Variants in PHACTR3 observed in about 807,000 individuals in gnomAD.
PHACTR3 encodes protein phosphatase 1, regulatory subunit 123.
Under a neutral mutation model 66.8 loss-of-function variants are expected in PHACTR3, and 16 were observed. The observed-to-expected ratio is 0.24, with a 90% CI of 0.16 to 0.36. The LOEUF (loss-of-function observed/expected upper bound fraction) is 0.36. Among genes scored for constraint, PHACTR3 ranks in the 10% least tolerant of loss-of-function variants. The probability of loss-of-function intolerance (pLI) is 1.00; values close to 1 mark genes in which losing one functional copy is unlikely to be tolerated. For synonymous variants in PHACTR3, 323 were observed against 292.1 expected, an observed-to-expected ratio of 1.11 and a Z score of -1.08; for missense variants, 647 against 719.9, an observed-to-expected ratio of 0.90 and a Z score of 1.16.
chr20:59,721,485 G>A (rs1177095569), intron 1 of PHACTR3: 1 of 152,570 alleles, frequency 6.6e-6, no homozygotes, highest in Non-Finnish European at 1.5e-5. Context: ...GCAGCACAAA[G>A]CAACTTTGTC....
chr20:59,664,657 A>G lies in PHACTR3; in HGVS notation c.118+59525A>G, dbSNP rs115703869. ...GCAGAAATCACATAACCAAGCTTCA[A>G]TACATTTTCCACAGCCTTGGCAAAG... On this transcript the variant is annotated intron_variant, in intron 1 of 12. Coordinates refer to ENST00000371015, the MANE Select transcript of PHACTR3 (RefSeq NM_080672.5). Among the ~76,000 whole-genome samples the G allele has an allele frequency of 5.9e-3, 900 of 152,288 alleles. 9 individuals are homozygous for G. The highest frequency in any genetic ancestry group is 0.02 in the African/African-American group (848 of 41,556).
chr20:59,841,557 TG>T, intron 11 of PHACTR3, 22 bp downstream of exon 11: 2 of 1,605,430 alleles, frequency 1.2e-6, no homozygotes, highest in South Asian at 1.1e-5. Context: ...CCTGTGCTGG[TG>T]GGGGGTGTTG....
At chr20:59,759,727 C>T (rs1368701643) in intron 4 of PHACTR3, among the ~76,000 whole-genome samples, 2 of 152,190 alleles carry the variant, frequency 1.3e-5, no homozygotes, top group Non-Finnish European at 2.9e-5. Context: ...GTTCTCTTCC[C>T]ACATTCTGCA....
intron 1 of PHACTR3, among the ~76,000 whole-genome samples, chr20:59,649,713 G>T (rs1178719395): frequency 1.3e-5 from 2 of 152,122 alleles, no homozygotes; most frequent in Non-Finnish European, 2.9e-5. Flanking sequence ...ATTTTCTGTA[G>T]TTTAAAAGTA....
intron 7 of PHACTR3, among the ~76,000 whole-genome samples, chr20:59,779,389 C>G (rs1053110571): frequency 2.0e-5 from 3 of 152,144 alleles, no homozygotes; most frequent in Admixed American, 6.5e-5. Flanking sequence ...TAGGAAAGGC[C>G]TGTAAGAGTA....
rs115309000 is a variant in PHACTR3 at position 59,591,411 on chromosome 20, C to T, written c.109+13794C>T. 3.8e-3 allele frequency among the ~76,000 whole-genome samples: 578 copies of T among 152,304 alleles called. 6 individuals carry two copies. The highest frequency in any genetic ancestry group is 0.013 in the African/African-American group (544 of 41,570). On this transcript the variant is annotated intron_variant, in intron 1 of 12. Transcript: ENST00000359926. ...CTCCCAGCTCTGGCCTTGGCCTCCACATCTTCCTGAGTGACACCATGCGGG... is the reference window on the plus strand; with the variant it reads ...CTCCCAGCTCTGGCCTTGGCCTCCATATCTTCCTGAGTGACACCATGCGGG...
At chr20:59,836,798 C>A (rs1372788680) in intron 9 of PHACTR3, among the ~76,000 whole-genome samples, 1 of 152,126 alleles carries the variant, frequency 6.6e-6, no homozygotes, top group Non-Finnish European at 1.5e-5. Flanking sequence ...TTTTTATTTT[C>A]AGGGTTAGTC....
intron 1 of PHACTR3, among the ~76,000 whole-genome samples, chr20:59,716,154 G>T (rs2038082900): frequency 6.6e-6 from 1 of 151,484 alleles, no homozygotes; most frequent in South Asian, 2.1e-4. Context: ...CATTGCTTCG[G>T]GACCTTCAGC....
At position 59,750,343 on chromosome 20, in the gene PHACTR3, A is replaced by G. The variant is rs143365698; in HGVS notation, c.358+2508A>G. On this transcript the variant is annotated intron_variant, in intron 3 of 12. Coordinates refer to ENST00000371015, the MANE Select transcript of PHACTR3 (RefSeq NM_080672.5). ...TTTAATAACCCTCCACCGCTCAGGCAGCAGTTAAATTAGATGCGCTGGGCG... is the reference window on the plus strand; with the variant it reads ...TTTAATAACCCTCCACCGCTCAGGCGGCAGTTAAATTAGATGCGCTGGGCG... 1.6e-3 allele frequency among the ~76,000 whole-genome samples: 243 copies of G among 152,256 alleles called. 1 individual carries two copies. The highest frequency in any genetic ancestry group is 5.7e-3 in the African/African-American group (235 of 41,550).
intron 1 of PHACTR3, among the ~76,000 whole-genome samples, chr20:59,723,632 T>C (rs1296045089): frequency 6.6e-6 from 1 of 151,994 alleles, no homozygotes; most frequent in Non-Finnish European, 1.5e-5. Context: ...AGTCAGATGG[T>C]TATATGGTGA....
intron 7 of PHACTR3, among the ~76,000 whole-genome samples, chr20:59,785,734 G>A (rs2146938890): frequency 6.6e-6 from 1 of 152,340 alleles, no homozygotes; most frequent in Middle Eastern, 3.4e-3. Context: ...CACAGAGGAA[G>A]GCCGTGGTCA....
chr20:59,591,096 C>T (rs1269847307), intron 1 of PHACTR3, among the ~76,000 whole-genome samples: 1 of 152,210 alleles, frequency 6.6e-6, no homozygotes, highest in African/African-American at 2.4e-5. Flanking sequence ...GGCAGTGCCA[C>T]GTACATCATC....
At chr20:59,822,622 G>C (rs2042082034) in intron 8 of PHACTR3, among the ~76,000 whole-genome samples, 1 of 152,108 alleles carries the variant, frequency 6.6e-6, no homozygotes, top group Non-Finnish European at 1.5e-5. Flanking sequence ...GAAATGGTGT[G>C]GTCTGCAGAT....
At chr20:59,687,062 TG>T (rs1412881452) in intron 1 of PHACTR3, among the ~76,000 whole-genome samples, 2 of 151,748 alleles carry the variant, frequency 1.3e-5, no homozygotes, top group East Asian at 3.9e-4. Context: ...ATTGTGATGA[TG>T]GTGGTGATGA....
In PHACTR3 at chr20:59,736,516, G is replaced by A. The variant is rs538994312; in HGVS notation, c.119-6591G>A. Among the ~76,000 whole-genome samples the A allele has an allele frequency of 3.8e-4, 52 of 138,060 alleles. No homozygotes were observed. Among genetic ancestry groups the A allele is most frequent in the African/African-American group, 1.3e-3 (48 of 36,920 alleles). The allele number at this position is 138,060 out of a possible 152,430, so 90.6% of individuals were successfully genotyped here. ...ACCCACGCCCATGCACACTGGCTCC[G>A]CAGGTGCTCACCCGCCCACCCGTGT... On this transcript the variant is annotated intron_variant, in intron 1 of 12. Transcript: ENST00000371015. The surrounding 1 kb of genome is among the most constrained non-coding windows in gnomAD (Gnocchi z 4.6).
chr20:59,736,226 C>T lies in PHACTR3; in HGVS notation c.119-6881C>T, dbSNP rs1370748836. ...ACAGACATTTCCCATTAATTAACCT[C>T]TAATGCCTCAGAGGTGGCAGAGGTG... is the stretch of plus-strand genomic sequence containing the variant. On this transcript the variant is annotated intron_variant, in intron 1 of 12. Transcript: ENST00000371015. The surrounding 1 kb of genome is among the most constrained non-coding windows in gnomAD (Gnocchi z 4.6). 6.6e-6 allele frequency among the ~76,000 whole-genome samples: 1 copy of T among 152,148 alleles called. No homozygotes were observed. The highest frequency in any genetic ancestry group is 1.5e-5 in the Non-Finnish European group (1 of 68,018).
chr20:59,673,271 T>C (rs2036257560), intron 1 of PHACTR3, among the ~76,000 whole-genome samples: 1 of 152,206 alleles, frequency 6.6e-6, no homozygotes, highest in Non-Finnish European at 1.5e-5. Context: ...TGCTCATCTG[T>C]AGAATGGGAA....
intron 8 of PHACTR3, among the ~76,000 whole-genome samples, chr20:59,832,656 G>A (rs1265600264): frequency 3.9e-5 from 6 of 152,114 alleles, no homozygotes; most frequent in Non-Finnish European, 7.4e-5. Flanking sequence ...CTTCAGTGCC[G>A]CTCTGGGGTT....
At chr20:59,821,141 C>T (rs770989485) in intron 8 of PHACTR3, among the ~76,000 whole-genome samples, 24 of 152,126 alleles carry the variant, frequency 1.6e-4, no homozygotes, top group Non-Finnish European at 3.4e-4. Context: ...ATGTTCTTAG[C>T]AGCTAAGGAA....
Sources: gnomAD v4.1 joint callset for allele counts (sites outside exome capture counted in the v4.1 genomes callset) on GRCh38, gnomAD v4.1.1 for gene constraint, Gnocchi (gnomAD v3.1) non-coding constraint, MANE v1.5 for transcripts, NCBI Gene and HGNC (gene_info 2026-07-23, HGNC 2026-07-21) for gene names.